WASHC2C: variants seen among roughly 807,000 people sequenced by gnomAD.
WASHC2C encodes the protein Vaccinia Penetration Factor.
In WASHC2C, 73 loss-of-function variants were observed where a neutral mutation model predicts 142.2. The ratio of observed to expected loss-of-function variants is 0.51; its 90% confidence interval spans 0.43 to 0.62. The LOEUF is 0.62. Ranked by LOEUF, WASHC2C falls within the 20% of genes least tolerant of loss-of-function variation. The pLI, the probability that WASHC2C is intolerant of heterozygous loss-of-function variation, is 0.00. For missense variants in WASHC2C, 969 were observed against 1,531.7 expected (o/e 0.63, Z 6.13); for synonymous variants, 337 against 565.5 (o/e 0.60, Z 5.73).
At chr10:45,773,644 A>C (rs1554885505) in intron 21 of WASHC2C, among the ~76,000 whole-genome samples, 1 of 152,264 alleles carries the variant, frequency 6.6e-6, no homozygotes, top group African/African-American at 2.4e-5. Flanking sequence ...TAGGCCAGTT[A>C]AGGCAAAATC....
rs2049989785 is a variant in WASHC2C, at chr10:45,727,455, G to C, written c.42G>C (p.Ala14=). 1 of 1,610,708 alleles carries C rather than the reference G, an allele frequency of 6.2e-7. No homozygotes were observed. The highest frequency in any genetic ancestry group is 1.3e-5 in the African/African-American group (1 of 74,858). Residue 14 remains alanine (A), a synonymous_variant, in exon 2 of 31, where the codon GCG becomes GCC. Transcript: ENST00000623400. ...RTTPDQELVP[A]SEPVWERPWS... ...CCCCCGACCAGGAGCTGGTGCCGGC[G>C]TCGGAGCCCGTGTGGGAGCGGCCGT...
intron 15 of WASHC2C, among the ~76,000 whole-genome samples, chr10:45,756,291 CCACCCAA>C (rs1554877204): frequency 2.7e-5 from 4 of 146,850 alleles, no homozygotes; most frequent in Non-Finnish European, 6.0e-5. Flanking sequence ...AGGTTGGAAA[CCACCCAA>C]ATACTTATCA....
At chr10:45,731,302 C>T (rs1333462913) in intron 3 of WASHC2C, among the ~76,000 whole-genome samples, 28 of 133,366 alleles carry the variant, frequency 2.1e-4, no homozygotes, top group Admixed American at 1.1e-3. Flanking sequence ...CTCACTGCAA[C>T]ATCCGCCTCC....
At chr10:45,732,737 C>T (rs1589559687) in intron 3 of WASHC2C, among the ~76,000 whole-genome samples, 1 of 152,116 alleles carries the variant, frequency 6.6e-6, no homozygotes, top group Non-Finnish European at 1.5e-5. Context: ...TAATGGGACA[C>T]TAGGCATAAA....
chr10:45,743,068 G>A (rs1589641717), intron 5 of WASHC2C, among the ~76,000 whole-genome samples: 2 of 151,582 alleles, frequency 1.3e-5, no homozygotes, highest in South Asian at 4.2e-4. Context: ...GTAGAGACGG[G>A]GTTTCACCAC....
At position 45,727,419 on chromosome 10, in the gene WASHC2C, G is replaced by A. The variant is rs1320852410; in HGVS notation, c.6G>A (p.Met2Ile). The A allele has an allele frequency of 6.2e-7, 1 of 1,611,246 alleles. No individual in the cohort carries two copies. The highest frequency in any genetic ancestry group is 8.5e-7 in the Non-Finnish European group (1 of 1,179,456). ...TCTTCTCGTTTTTTTCGCTGCAGATGAACCGGACGACCCCCGACCAGGAGC... is the reference window on the plus strand; with the variant it reads ...TCTTCTCGTTTTTTTCGCTGCAGATAAACCGGACGACCCCCGACCAGGAGC... M[M>I]NRTTPDQELV... The change falls in exon 2 of 31, where the codon ATG becomes ATA. Residue 2 changes from methionine (M) to isoleucine (I), a missense_variant and splice_region_variant. By Grantham distance (10) the Met-to-Ile change is conservative. Coordinates refer to ENST00000623400, the MANE Select transcript of WASHC2C (RefSeq NM_001330074.2).
chr10:45,728,268 G>A (rs144733981), intron 2 of WASHC2C, among the ~76,000 whole-genome samples: 4,369 of 152,174 alleles, frequency 0.029, 58 homozygotes, highest in South Asian at 0.042. Context: ...GGACTCTAGC[G>A]ATAACCCTGC....
chr10:45,731,834 G>A (rs1194101552), intron 3 of WASHC2C, among the ~76,000 whole-genome samples: 21 of 123,878 alleles, frequency 1.7e-4, no homozygotes, highest in Admixed American at 9.4e-4. Flanking sequence ...TCACTCTGTC[G>A]CCCAGGCTGG....
At chr10:45,758,142 A>T (rs1419156760) in intron 16 of WASHC2C, among the ~76,000 whole-genome samples, 8 of 152,098 alleles carry the variant, frequency 5.3e-5, no homozygotes, top group South Asian at 2.1e-4. Context: ...TCCTATGAAT[A>T]GATTCAGGGT....
At chr10:45,783,270 A>G (rs2057661893) in intron 23 of WASHC2C, among the ~76,000 whole-genome samples, 1 of 152,000 alleles carries the variant, frequency 6.6e-6, no homozygotes, top group African/African-American at 2.4e-5. Context: ...CACACAGTGA[A>G]TATGATTAAT....
intron 26 of WASHC2C, 144 bp from the exon 27 acceptor site, chr10:45,786,468 C>G: frequency 1.1e-6 from 1 of 918,078 alleles, no homozygotes; most frequent in Non-Finnish European, 1.8e-6. Flanking sequence ...AACATCAGGC[C>G]CCAGGAGAGA....
At chr10:45,728,771 A>G in intron 2 of WASHC2C, 91 bp from the exon 3 acceptor site, 1 of 1,471,464 alleles carries the variant, frequency 6.8e-7, no homozygotes, top group Non-Finnish European at 9.1e-7. Context: ...CTAACACTCA[A>G]AGGTGAAAGG....
rs1554890201 is a variant in WASHC2C, at chr10:45,786,627, G to A, written c.2827G>A (p.Ala943Thr). The change falls in exon 27 of 31, where the codon GCT becomes ACT. Residue 943 changes from alanine (A) to threonine (T), a missense_variant. Transcript: ENST00000623400. ...TCTTACACAGGACTCATCAGGTCTC[G>A]CTCCATTTAAAACCAAAGAACCATC... ...PETPQDSSGL[A>T]PFKTKEPSTR... 5.6e-6 allele frequency: 9 copies of A among 1,611,522 alleles called. No individual in the cohort carries two copies. The highest frequency in any genetic ancestry group is 3.3e-5 in the Admixed American group (2 of 59,984).
In WASHC2C at chr10:45,792,284, C is replaced by A; in HGVS notation, c.3910C>A (p.Gln1304Lys). Reference sequence around the variant, plus strand: ...AGATGACATCTTCTCCACTGGTATCCAGGCTAAGACAACCAAACCAAAAAG... The same window carrying A: ...AGATGACATCTTCTCCACTGGTATCAAGGCTAAGACAACCAAACCAAAAAG... ...DMDDIFSTGI[Q>K]AKTTKPKSRS... Residue 1304 changes from glutamine (Q) to lysine (K), a missense_variant, in exon 31 of 31, where the codon CAG (glutamine) becomes AAG (lysine). Physicochemically the swap from Gln to Lys is moderately conservative, Grantham distance 53. Transcript: ENST00000623400. The A allele has an allele frequency of 6.4e-7, 1 of 1,563,478 alleles. No homozygotes were observed.
chr10:45,731,327 TCTC>T (rs1210050727), intron 3 of WASHC2C, among the ~76,000 whole-genome samples: 2 of 129,794 alleles, frequency 1.5e-5, no homozygotes, highest in Admixed American at 7.9e-5. Flanking sequence ...TTCAAGCAAT[TCTC>T]CTGCCCACAC....
intron 20 of WASHC2C, 131 bp downstream of exon 20, chr10:45,769,749 C>G (rs2056383516): frequency 2.4e-6 from 3 of 1,271,066 alleles, no homozygotes; most frequent in Non-Finnish European, 2.2e-6. Flanking sequence ...GTGAGAATGT[C>G]TTTGCTTTTC....
In WASHC2C at chr10:45,769,591, A is replaced by G. The variant is rs781919659; in HGVS notation, c.2012A>G (p.Asp671Gly). 4 of 1,611,966 alleles carry G rather than the reference A, an allele frequency of 2.5e-6. No homozygotes were observed. The highest frequency in any genetic ancestry group is 1.1e-5 in the South Asian group (1 of 90,978). ...KTSLFEEDKE[D>G]DLFAIAKDSQ... ...AGTCTCTTTGAGGAAGACAAAGAAG[A>G]TGATCTTTTTGCCATTGCCAAGGAC... Residue 671 changes from aspartate (D) to glycine (G), a missense_variant, in exon 20 of 31, where the codon GAT (aspartate) becomes GGT (glycine). Coordinates refer to ENST00000623400, the MANE Select transcript of WASHC2C (RefSeq NM_001330074.2).
chr10:45,734,235 T>TAATA (rs1191071630), intron 3 of WASHC2C, among the ~76,000 whole-genome samples: 49 of 151,642 alleles, frequency 3.2e-4, no homozygotes, highest in South Asian at 1.2e-3. Context: ...AAAAAAATAA[T>TAATA]AATAAATAAA....
At position 45,729,214 on chromosome 10, in the gene WASHC2C, TA is replaced by T. The variant is rs200859274; in HGVS notation, c.291+194del. ...TTTTAAGTCCTTTTTTCCAAGCCTC[TA>T]AAAAAGTCTAATGATAAAATTTTCT... is the stretch of plus-strand genomic sequence containing the variant. On this transcript the variant is annotated intron_variant, in intron 3 of 30. Coordinates refer to ENST00000623400, the MANE Select transcript of WASHC2C (RefSeq NM_001330074.2). Among the ~76,000 whole-genome samples the T allele has an allele frequency of 2.7e-3, 414 of 152,338 alleles. 7 individuals are homozygous for T. The highest frequency in any genetic ancestry group is 0.025 in the East Asian group (130 of 5,192).
Sources: allele counts gnomAD v4.1 joint callset (sites outside exome capture counted in the v4.1 genomes callset), GRCh38; gene constraint gnomAD v4.1.1; transcripts MANE v1.5; gene names NCBI Gene and HGNC (gene_info 2026-07-23, HGNC 2026-07-21).